The following SLC4A10 variants were observed in gnomAD, a reference collection of about 807,000 sequenced individuals.
The protein encoded by SLC4A10 is solute carrier family 4 member 10.
Under a neutral mutation model 137.7 loss-of-function variants are expected in SLC4A10, and 42 were observed. The observed-to-expected ratio is 0.30, with a 90% CI of 0.24 to 0.39. The LOEUF (loss-of-function observed/expected upper bound fraction) is 0.39. Among genes scored for constraint, SLC4A10 ranks in the 10% least tolerant of loss-of-function variants. SLC4A10 has a pLI of 1.00. For synonymous variants in SLC4A10, 474 were observed against 464.1 expected (o/e 1.02, Z -0.27); for missense variants, 925 against 1,355.0 (o/e 0.68, Z 4.98).
At chr2:161,796,835 A>G (rs776469169) in intron 2 of SLC4A10, among the ~76,000 whole-genome samples, 1 of 152,212 alleles carries the variant, frequency 6.6e-6, no homozygotes, top group Non-Finnish European at 1.5e-5. Flanking sequence ...TAATTACTGT[A>G]ATTTTCAGAA....
At chr2:161,664,682 T>C (rs77954090) in intron 1 of SLC4A10, among the ~76,000 whole-genome samples, 1,790 of 146,504 alleles carry the variant, frequency 0.012, 27 homozygotes, top group South Asian at 0.041. Flanking sequence ...TATTGACTTA[T>C]TGTCTAAGTT....
rs369080194 is a variant in SLC4A10, at chr2:161,642,498, GA to G, written c.48+17939del. ...CTCTTAAAAATAATCTGCATATTTA[GA>G]AAAAAAGGCACAAGAATGTTTGGCA... is the stretch of plus-strand genomic sequence containing the variant. On this transcript the variant is annotated intron_variant, in intron 1 of 26. Coordinates refer to ENST00000446997, the MANE Select transcript of SLC4A10 (RefSeq NM_001178015.2). 7.3e-5 allele frequency among the ~76,000 whole-genome samples: 11 copies of G among 151,714 alleles called. No individual in the cohort carries two copies. The East Asian group carries it at 2.1e-3, about 29-fold the overall frequency.
chr2:161,756,059 G>A (rs1422799995), intron 1 of SLC4A10, among the ~76,000 whole-genome samples: 6 of 151,962 alleles, frequency 3.9e-5, no homozygotes, highest in Non-Finnish European at 4.4e-5. Flanking sequence ...TTGAGCCACC[G>A]CACCTGGCCC....
intron 16 of SLC4A10, among the ~76,000 whole-genome samples, chr2:161,946,994 G>A (rs1188155356): frequency 6.6e-6 from 1 of 151,986 alleles, no homozygotes; most frequent in Non-Finnish European, 1.5e-5. Flanking sequence ...CAAAGTCATT[G>A]TTCTTAGTCA....
chr2:161,651,589 G>C (rs1054304628), intron 1 of SLC4A10, among the ~76,000 whole-genome samples: 5 of 152,170 alleles, frequency 3.3e-5, no homozygotes, highest in Non-Finnish European at 7.3e-5. Context: ...TGCGGTTTCT[G>C]GCATCTTTAA....
At chr2:161,827,874 G>A (rs2058127849) in intron 3 of SLC4A10, among the ~76,000 whole-genome samples, 1 of 152,250 alleles carries the variant, frequency 6.6e-6, no homozygotes, top group Admixed American at 6.5e-5. Context: ...CAATATTTAT[G>A]TGATTCTTTA....
Position 161,904,094 on chromosome 2 carries a change from A to G in SLC4A10, c.1533A>G (p.Ala511=), listed in dbSNP as rs1683761099. 5 of 1,607,058 alleles carry G rather than the reference A, an allele frequency of 3.1e-6. No homozygotes were observed. The highest frequency in any genetic ancestry group is 4.5e-5 in the East Asian group (2 of 44,798). The change falls in exon 13 of 27, where the codon GCA becomes GCG. Residue 511 remains alanine, a synonymous_variant. Coordinates refer to ENST00000446997, the MANE Select transcript of SLC4A10 (RefSeq NM_001178015.2). ...FRDAFSLQCL[A]SFLFLYCACM... ...ATGCTTTCAGCCTGCAGTGCTTAGC[A>G]TCTTTTCTATTTCTCTACTGCGCGT...
In SLC4A10 at chr2:161,679,863, C is replaced by T. The variant is rs542921943; in HGVS notation, c.48+55297C>T. On this transcript the variant is annotated intron_variant, in intron 1 of 26. Coordinates refer to ENST00000446997, the MANE Select transcript of SLC4A10 (RefSeq NM_001178015.2). ...TACTGCTTAAATTCTTCAACTTTTT[C>T]ATATTGTTTTGGGGGCAAAATCAAA... 2.0e-3 allele frequency among the ~76,000 whole-genome samples: 310 copies of T among 152,010 alleles called. 1 individual carries two copies. The highest frequency in any genetic ancestry group is 7.0e-3 in the African/African-American group (291 of 41,498).
intron 1 of SLC4A10, among the ~76,000 whole-genome samples, chr2:161,696,577 T>G (rs907114430): frequency 6.6e-6 from 1 of 150,496 alleles, no homozygotes. Context: ...GTTCTTGCAA[T>G]AGTTTAATGA....
At chr2:161,968,576 A>C (rs1487488902) in intron 23 of SLC4A10, among the ~76,000 whole-genome samples, 2 of 152,190 alleles carry the variant, frequency 1.3e-5, no homozygotes, top group Non-Finnish European at 2.9e-5. Context: ...AGGCAGGTTT[A>C]TAGATCCTTA....
At chr2:161,892,021 A>G (rs1351736289) in intron 10 of SLC4A10, among the ~76,000 whole-genome samples, 1 of 152,122 alleles carries the variant, frequency 6.6e-6, no homozygotes, top group Non-Finnish European at 1.5e-5. Context: ...AAGAGAAGGT[A>G]GAAGAGGAAT....
At chr2:161,967,369 T>A (rs1201424859) in intron 23 of SLC4A10, among the ~76,000 whole-genome samples, 2 of 152,194 alleles carry the variant, frequency 1.3e-5, no homozygotes. Context: ...GACCTTGAAC[T>A]GGAATAAGTG....
chr2:161,813,674 T>G (rs2056771468), intron 3 of SLC4A10, among the ~76,000 whole-genome samples: 2 of 152,156 alleles, frequency 1.3e-5, no homozygotes, highest in Admixed American at 6.6e-5. Flanking sequence ...ATGATGAGTT[T>G]TCATCATTTT....
At chr2:161,807,667 CT>C (rs1159271036) in intron 3 of SLC4A10, among the ~76,000 whole-genome samples, 1 of 152,106 alleles carries the variant, frequency 6.6e-6, no homozygotes, top group African/African-American at 2.4e-5. Context: ...TACTAGTAGT[CT>C]ATTTAGTAAT....
At chr2:161,974,215 G>T in intron 23 of SLC4A10, 34 bp from the exon 24 acceptor site, 2 of 1,539,686 alleles carry the variant, frequency 1.3e-6, no homozygotes, top group East Asian at 2.3e-5. Flanking sequence ...GACTCATCAG[G>T]TTCACTTTAT....
chr2:161,760,132 CT>C (rs2050103042), intron 1 of SLC4A10, among the ~76,000 whole-genome samples: 1 of 151,844 alleles, frequency 6.6e-6, no homozygotes, highest in Non-Finnish European at 1.5e-5. Flanking sequence ...CTGGAAAGTT[CT>C]TACATATTAT....
chr2:161,821,388 A>G (rs184201982), intron 3 of SLC4A10, among the ~76,000 whole-genome samples: 237 of 152,326 alleles, frequency 1.6e-3, no homozygotes, highest in Non-Finnish European at 2.6e-3. Flanking sequence ...ATCTTGGCTG[A>G]AGTTTGTATT....
At chr2:161,831,229 G>T (rs959550508) in intron 3 of SLC4A10, among the ~76,000 whole-genome samples, 1 of 151,984 alleles carries the variant, frequency 6.6e-6, no homozygotes, top group Non-Finnish European at 1.5e-5. Flanking sequence ...TTTCACCTTT[G>T]CCCTCTGAAA....
chr2:161,828,305 T>C (rs1326036619), intron 3 of SLC4A10, among the ~76,000 whole-genome samples: 1 of 152,124 alleles, frequency 6.6e-6, no homozygotes, highest in Non-Finnish European at 1.5e-5. Flanking sequence ...TACTTCTGCC[T>C]GCAGATCTGC....
Sources: gnomAD v4.1 joint callset for allele counts (sites outside exome capture counted in the v4.1 genomes callset) on GRCh38, gnomAD v4.1.1 for gene constraint, MANE v1.5 for transcripts, NCBI Gene and HGNC (gene_info 2026-07-23, HGNC 2026-07-21) for gene names.